Variants in CNTN5 observed in about 807,000 individuals in gnomAD.
The protein encoded by CNTN5 is contactin 5.
In CNTN5, 77 loss-of-function variants were observed where a neutral mutation model predicts 129.1. The ratio of observed to expected loss-of-function variants is 0.60; its 90% confidence interval spans 0.50 to 0.72. The LOEUF is 0.72. Among genes scored for constraint, CNTN5 ranks in the 30% least tolerant of loss-of-function variants. The pLI is 0.00. For synonymous variants in CNTN5, 509 were observed against 465.6 expected (o/e 1.09, Z -1.20); for missense variants, 1,478 against 1,328.8 (o/e 1.11, Z -1.75).
In CNTN5 at chr11:99,673,783, A is replaced by T. The variant is rs891048423; in HGVS notation, c.55+117514A>T. Among the ~76,000 whole-genome samples, 7 of 151,774 alleles carry T rather than the reference A, an allele frequency of 4.6e-5. 2 individuals carry two copies. Among genetic ancestry groups the T allele is most frequent in the Admixed American group, 4.6e-4 (7 of 15,238 alleles). On this transcript the variant is annotated intron_variant, in intron 3 of 24. Coordinates refer to ENST00000524871, the MANE Select transcript of CNTN5 (RefSeq NM_014361.4). ...CCTGCAGAAAAAAAAAAAAGATCTC[A>T]TCCTTTTTCATAGCTGCATAGCATT... is the stretch of plus-strand genomic sequence containing the variant.
chr11:99,480,570 T>G (rs1945554806), intron 2 of CNTN5, among the ~76,000 whole-genome samples: 1 of 152,242 alleles, frequency 6.6e-6, no homozygotes, highest in Non-Finnish European at 1.5e-5. Flanking sequence ...TACCTGATTC[T>G]TGAATGTTTG....
chr11:99,126,846 TG>T (rs1858661122), intron 1 of CNTN5, among the ~76,000 whole-genome samples: 2 of 152,280 alleles, frequency 1.3e-5, no homozygotes, highest in South Asian at 4.1e-4. Context: ...TATCTTCCAC[TG>T]GATGTCAGTT....
At chr11:99,568,310 AG>A (rs1407855114) in intron 3 of CNTN5, among the ~76,000 whole-genome samples, 1 of 152,242 alleles carries the variant, frequency 6.6e-6, no homozygotes, top group Admixed American at 6.5e-5. Context: ...ATTATTATAA[AG>A]TAATGCTCCA....
chr11:100,094,770 A>G, intron 13 of CNTN5, among the ~76,000 whole-genome samples: 1 of 82,114 alleles, frequency 1.2e-5, no homozygotes, highest in African/African-American at 7.1e-5. Context: ...GGAGGAAAGG[A>G]AGGAAGGAAG....
chr11:99,225,513 A>ATTCTATCATGAGAAATCCGCC (rs1860637541), intron 1 of CNTN5, among the ~76,000 whole-genome samples: 1 of 152,024 alleles, frequency 6.6e-6, no homozygotes, highest in Non-Finnish European at 1.5e-5. Flanking sequence ...TAATCATTAC[A>ATTCTATCATGAGAAATCCGCC]TTCTATCATG....
intron 3 of CNTN5, among the ~76,000 whole-genome samples, chr11:99,621,934 A>G (rs60998967): frequency 0.054 from 8,203 of 152,224 alleles, 235 homozygotes; most frequent in South Asian, 0.085. Flanking sequence ...TGGCACTGCT[A>G]TCCACTGACC....
At chr11:99,465,383 A>C (rs1161759930) in intron 2 of CNTN5, among the ~76,000 whole-genome samples, 1 of 152,172 alleles carries the variant, frequency 6.6e-6, no homozygotes, top group East Asian at 1.9e-4. Context: ...AGTGATATCA[A>C]ACACTTCTAG....
At chr11:99,671,328 C>T (rs593913) in intron 3 of CNTN5, among the ~76,000 whole-genome samples, 90,408 of 151,530 alleles carry the variant, frequency 0.6, 28,265 homozygotes, top group Non-Finnish European at 0.7. Context: ...ATAATATTTA[C>T]GACAAAAAGA....
At chr11:99,375,874 A>T (rs1365708237) in intron 2 of CNTN5, among the ~76,000 whole-genome samples, 1 of 152,326 alleles carries the variant, frequency 6.6e-6, no homozygotes, top group Non-Finnish European at 1.5e-5. Context: ...AGTTTAAATT[A>T]AAAAGCTGAA....
intron 18 of CNTN5, among the ~76,000 whole-genome samples, chr11:100,293,585 G>T (rs1951041715): frequency 1.3e-5 from 2 of 151,370 alleles, no homozygotes; most frequent in South Asian, 4.2e-4. Flanking sequence ...ATAATTCCGG[G>T]TACTGTGATG....
At chr11:100,261,715 TA>T (rs1415210427) in intron 17 of CNTN5, among the ~76,000 whole-genome samples, 1 of 152,150 alleles carries the variant, frequency 6.6e-6, no homozygotes, top group Non-Finnish European at 1.5e-5. Flanking sequence ...CCCTATTTAA[TA>T]AATGGTATTG....
At chr11:100,148,499 C>G (rs1946933137) in intron 13 of CNTN5, among the ~76,000 whole-genome samples, 1 of 152,042 alleles carries the variant, frequency 6.6e-6, no homozygotes, top group Non-Finnish European at 1.5e-5. Context: ...ACTCACTGTT[C>G]AAAATACACT....
At chr11:99,212,644 T>A (rs1859866148) in intron 1 of CNTN5, among the ~76,000 whole-genome samples, 1 of 152,108 alleles carries the variant, frequency 6.6e-6, no homozygotes, top group Admixed American at 6.6e-5. Flanking sequence ...TTTATTGTAT[T>A]TATTCTTTTC....
intron 2 of CNTN5, among the ~76,000 whole-genome samples, chr11:99,350,714 C>G (rs1290014484): frequency 2.0e-5 from 3 of 151,964 alleles, no homozygotes; most frequent in Non-Finnish European, 2.9e-5. Context: ...AGAGTACATA[C>G]AGTGTGATTC....
intron 2 of CNTN5, among the ~76,000 whole-genome samples, chr11:99,547,066 C>T (rs1256248579): frequency 4.7e-5 from 7 of 148,158 alleles, no homozygotes; most frequent in East Asian, 2.0e-4. Flanking sequence ...TGCAACGGCA[C>T]GATCTTGGCT....
At chr11:99,305,778 C>T (rs1206978469) in intron 1 of CNTN5, among the ~76,000 whole-genome samples, 4 of 151,718 alleles carry the variant, frequency 2.6e-5, no homozygotes, top group East Asian at 3.9e-4. Context: ...GTCGGGAGTT[C>T]GGGACCAGCC....
At chr11:99,894,561 A>G (rs1245354329) in intron 6 of CNTN5, among the ~76,000 whole-genome samples, 1 of 151,508 alleles carries the variant, frequency 6.6e-6, no homozygotes, top group Non-Finnish European at 1.5e-5. Flanking sequence ...CAAAAACAAA[A>G]AAAACAAAAC....
Position 99,518,082 on chromosome 11 carries a change from G to C in CNTN5, c.-70-38063G>C, listed in dbSNP as rs7925944. ...TATCAGTCATGGACCTTCTTTTAGA[G>C]TTTTATAATTAATATTACTCAATTC... On this transcript the variant is annotated intron_variant, in intron 2 of 24. Transcript: ENST00000524871. 7.1e-3 allele frequency among the ~76,000 whole-genome samples: 1,074 copies of C among 152,160 alleles called. 10 individuals carry two copies. The highest frequency in any genetic ancestry group is 0.024 in the African/African-American group (1,013 of 41,530).
At chr11:100,037,684 G>C (rs1421713313) in intron 9 of CNTN5, among the ~76,000 whole-genome samples, 1 of 151,950 alleles carries the variant, frequency 6.6e-6, no homozygotes, top group Non-Finnish European at 1.5e-5. Flanking sequence ...ACTTCTTCCT[G>C]GTTTAGTCTT....
Sources: allele counts gnomAD v4.1 joint callset (sites outside exome capture counted in the v4.1 genomes callset), GRCh38; gene constraint gnomAD v4.1.1; transcripts MANE v1.5; gene names NCBI Gene and HGNC (gene_info 2026-07-23, HGNC 2026-07-21).